Variants in FOXM1 observed in about 807,000 individuals in gnomAD.
FOXM1 encodes forkhead box protein M1.
Under a neutral mutation model 63.6 loss-of-function variants are expected in FOXM1, and 25 were observed. That is an observed-to-expected ratio of 0.39 (90% CI 0.29 to 0.55). The LOEUF (loss-of-function observed/expected upper bound fraction) is 0.55. Ranked by LOEUF, FOXM1 falls within the 20% of genes least tolerant of loss-of-function variation. The probability of loss-of-function intolerance (pLI) is 0.60; values close to 1 mark genes in which losing one functional copy is unlikely to be tolerated. For missense variants in FOXM1, 879 were observed against 958.7 expected, an observed-to-expected ratio of 0.92 and a Z score of 1.10; for synonymous variants, 387 against 376.9, an observed-to-expected ratio of 1.03 and a Z score of -0.31.
rs147362692 is a variant in FOXM1, at chr12:2,864,351, C to T, written c.1235G>A (p.Arg412His). The change falls in exon 8 of 9, where the codon CGC (arginine) becomes CAC (histidine). Residue 412 changes from arginine to histidine, a missense_variant. By Grantham distance (29) the Arg-to-His change is conservative. Around this residue, in one of 4 missense-constraint regions of FOXM1, gnomAD observed 486 missense variants for 453.5 expected, o/e 1.07. Transcript: ENST00000359843. This position sits in a 1 kb window ranked among gnomAD's most constrained non-coding sequence, Gnocchi z 5.1. ...GGCAATGCGGACTCGCTTGCTATGG[C>T]GGGCAAGCTCTGAGCTCATGAGGGA... ...AASLMSSELA[R>H]HSKRVRIAPK... The T allele has an allele frequency of 2.8e-4, 456 of 1,612,644 alleles. No individual in the cohort carries two copies. The highest frequency in any genetic ancestry group is 6.5e-4 in the Admixed American group (39 of 59,930).
At chr12:2,865,795 G>A (rs1028952704) in intron 5 of FOXM1, among the ~76,000 whole-genome samples, 1 of 152,002 alleles carries the variant, frequency 6.6e-6, no homozygotes, top group African/African-American at 2.4e-5. Flanking sequence ...TGGGATTACA[G>A]GCATGCGCCA....
Position 2,873,984 on chromosome 12 carries a change from C to T in FOXM1, c.495G>A (p.Glu165=), listed in dbSNP as rs1402807403. 6.2e-7 allele frequency: 1 copy of T among 1,611,478 alleles called. No homozygotes were observed. Among genetic ancestry groups the T allele is most frequent in the Admixed American group, 1.7e-5 (1 of 59,884 alleles). The change falls in exon 2 of 9, where the codon GAG becomes GAA. Residue 165 remains glutamate (E), a synonymous_variant. Transcript: ENST00000359843. ...PPGALCEQKR[E]TCADGEAAGC... is the part of the protein sequence containing the mutation. ...CCCTGGAAGACCACATACCACAGGT[C>T]TCCCGTTTCTGCTCGCAAAGGGCTC... is the stretch of plus-strand genomic sequence containing the variant.
intron 4 of FOXM1, among the ~76,000 whole-genome samples, chr12:2,866,888 C>T (rs1053274295): frequency 2.0e-5 from 3 of 152,340 alleles, no homozygotes; most frequent in East Asian, 1.9e-4. Flanking sequence ...CGTGGTGGCT[C>T]ACGCCTATAA....
rs779297675 is a variant in FOXM1 at position 2,874,403 on chromosome 12, C to T, written c.76G>A (p.Glu26Lys). ...CTCTTAGGTTCCTCCTCTGATGTTTCACTTGGGGCATTTTGAACAGGAAGG... is the reference window on the plus strand; with the variant it reads ...CTCTTAGGTTCCTCCTCTGATGTTTTACTTGGGGCATTTTGAACAGGAAGG... ...LPLPVQNAPS[E>K]TSEEEPKRSP... The change falls in exon 2 of 9, where the codon GAA becomes AAA. Residue 26 changes from glutamate (E) to lysine (K), a missense_variant. Glu to Lys is a moderately conservative substitution (Grantham distance 56, BLOSUM62 1). Coordinates refer to ENST00000359843, the MANE Select transcript of FOXM1 (RefSeq NM_021953.4). This position sits in a 1 kb window ranked among gnomAD's most constrained non-coding sequence, Gnocchi z 4.3. 3.3e-5 allele frequency: 53 copies of T among 1,613,956 alleles called. No homozygotes were observed. The highest frequency in any genetic ancestry group is 3.4e-5 in the Non-Finnish European group (40 of 1,180,026).
chr12:2,862,962 C>T, intron 8 of FOXM1, among the ~76,000 whole-genome samples: 1 of 152,036 alleles, frequency 6.6e-6, no homozygotes, highest in South Asian at 2.1e-4. Flanking sequence ...ACATGTCAGC[C>T]CGTACTCACA....
chr12:2,859,190 G>A lies in FOXM1; in HGVS notation c.1740C>T (p.Asp580=). ...RWAAELPFPA[D]SSDPASQLSY... ...TGAGCTGGGAGGCAGGGTCAGAGGA[G>A]TCTGCTGGGAACGGGAGCTCTGCGG... The change falls in exon 9 of 9, where the codon GAC becomes GAT. Residue 580 remains aspartate, a synonymous_variant. Coordinates refer to ENST00000359843, the MANE Select transcript of FOXM1 (RefSeq NM_021953.4). The A allele has an allele frequency of 6.2e-7, 1 of 1,610,854 alleles. No homozygotes were observed. Among genetic ancestry groups the A allele is most frequent in the East Asian group, 2.2e-5 (1 of 44,790 alleles).
chr12:2,858,687 AG>A lies in FOXM1; in HGVS notation c.2242del (p.Leu748TrpfsTer55). On this transcript the variant is annotated frameshift_variant, in exon 9 of 9. Coordinates refer to ENST00000359843, the MANE Select transcript of FOXM1 (RefSeq NM_021953.4). LOFTEE classifies it high-confidence loss of function. ...ISFPGLDEDP[L>X]GPDNINWSQF... ...GGACCAGTTGATGTTGTCAGGGCCC[AG>A]TGGGTCCTCGTCCAGGCCAGGAAAG... 6.2e-7 allele frequency: 1 copy of A among 1,614,196 alleles called. No individual in the cohort carries two copies. The highest frequency in any genetic ancestry group is 2.2e-5 in the East Asian group (1 of 44,882).
chr12:2,868,240 C>A, intron 4 of FOXM1: 1 of 193,030 alleles, frequency 5.2e-6, no homozygotes, highest in Non-Finnish European at 1.0e-5. Context: ...TTTTTTTAAT[C>A]AAGACATTTT....
chr12:2,868,069 T>C (rs1372385609), intron 4 of FOXM1, among the ~76,000 whole-genome samples: 1 of 151,852 alleles, frequency 6.6e-6, no homozygotes, highest in Non-Finnish European at 1.5e-5. Flanking sequence ...GAAGACCTCA[T>C]TTGTGGCTCT....
intron 3 of FOXM1, among the ~76,000 whole-genome samples, chr12:2,869,424 C>A (rs2098128978): frequency 6.6e-6 from 1 of 151,842 alleles, no homozygotes; most frequent in Non-Finnish European, 1.5e-5. Context: ...CATACACCAC[C>A]ACGCCCAGCT....
rs1367397849 is a variant in FOXM1 at position 2,864,343 on chromosome 12, T to C, written c.1243A>G (p.Lys415Glu). Residue 415 changes from lysine (K) to glutamate (E), a missense_variant, in exon 8 of 9, where the codon AAG becomes GAG. Lys to Glu is a moderately conservative substitution (Grantham distance 56, BLOSUM62 1). Transcript: ENST00000359843. This position sits in a 1 kb window ranked among gnomAD's most constrained non-coding sequence, Gnocchi z 5.1. ...LMSSELARHSKRVRIAPKVLL... is the reference protein window; with the variant it reads ...LMSSELARHSERVRIAPKVLL... ...ACCTTGGGGGCAATGCGGACTCGCT[T>C]GCTATGGCGGGCAAGCTCTGAGCTC... is the stretch of plus-strand genomic sequence containing the variant. 6.2e-7 allele frequency: 1 copy of C among 1,613,390 alleles called. No homozygotes were observed. Among genetic ancestry groups the C allele is most frequent in the Non-Finnish European group, 8.5e-7 (1 of 1,179,616 alleles).
At chr12:2,862,181 G>GAA (rs962205817) in intron 8 of FOXM1, among the ~76,000 whole-genome samples, 21 of 102,416 alleles carry the variant, frequency 2.1e-4, no homozygotes, top group South Asian at 6.4e-4. Context: ...TCCGTCTCAG[G>GAA]AAAAAAAAAA....
Position 2,872,752 on chromosome 12 carries a change from G to C in FOXM1, c.503-505C>G, listed in dbSNP as rs1396869556. Among the ~76,000 whole-genome samples, 1 of 152,178 alleles carries C rather than the reference G, an allele frequency of 6.6e-6. No homozygotes were observed. The highest frequency in any genetic ancestry group is 2.4e-5 in the African/African-American group (1 of 41,446). ...ATTTCAGGACAAATTTAGGAGCATA[G>C]TTCAAATTGCATTTCAAGCTGAGCC... On this transcript the variant is annotated intron_variant, in intron 2 of 8. Transcript: ENST00000359843. The surrounding 1 kb of genome is among the most constrained non-coding windows in gnomAD (Gnocchi z 4.0).
rs1055158852 is a variant in FOXM1, at chr12:2,872,347, C to G, written c.503-100G>C. 82 of 1,250,834 alleles carry G rather than the reference C, an allele frequency of 6.6e-5. No homozygotes were observed. The African/African-American group carries it at 1.1e-3, about 17-fold the overall frequency. The allele number at this position is 1,250,834 out of a possible 1,614,324, so 77.5% of individuals were successfully genotyped here. A position where few individuals can be genotyped will look rare whatever the true frequency, so the allele number is the denominator to read the frequency against. ...CTAGCAGGCCGGGTGCAGTGGCTCA[C>G]ACCTGTAATCCTAGCACTTTGGGAG... On this transcript the variant is annotated intron_variant, in intron 2 of 8. Transcript: ENST00000359843. This position sits in a 1 kb window ranked among gnomAD's most constrained non-coding sequence, Gnocchi z 4.0.
At chr12:2,860,885 C>T (rs1230984418) in intron 8 of FOXM1, among the ~76,000 whole-genome samples, 6 of 145,690 alleles carry the variant, frequency 4.1e-5, no homozygotes, top group Non-Finnish European at 7.5e-5. Context: ...AAAACTCTCA[C>T]AGGCTGGGCG....
Position 2,859,213 on chromosome 12 carries a change from C to A in FOXM1, c.1717G>T (p.Ala573Ser). The change falls in exon 9 of 9, where the codon GCA becomes TCA. Residue 573 changes from alanine (A) to serine (S), a missense_variant. Around this residue, in one of 4 missense-constraint regions of FOXM1, gnomAD observed 486 missense variants for 453.5 expected, o/e 1.07. Transcript: ENST00000359843. ...GAGTCTGCTGGGAACGGGAGCTCTG[C>A]GGCCCAGCGGGAAGTACTGGGCCCC... The part of the protein sequence containing the change: ...SEGPSTSRWA[A>S]ELPFPADSSD... 6.2e-7 allele frequency: 1 copy of A among 1,612,216 alleles called. No homozygotes were observed. Among genetic ancestry groups the A allele is most frequent in the Non-Finnish European group, 8.5e-7 (1 of 1,179,036 alleles).
chr12:2,871,663 A>AAATG, intron 3 of FOXM1, among the ~76,000 whole-genome samples: 1 of 147,692 alleles, frequency 6.8e-6, no homozygotes, highest in African/African-American at 2.5e-5. Context: ...AAAAAAAAAA[A>AAATG]TATATATACG....
rs767756149 is a variant in FOXM1 at position 2,864,525 on chromosome 12, G to A, written c.1091-30C>T. 1.2e-6 allele frequency: 2 copies of A among 1,603,104 alleles called. No individual in the cohort carries two copies. The highest frequency in any genetic ancestry group is 1.7e-5 in the Admixed American group (1 of 59,610). ...GAGGAAACACGAGAGATCAGGAGCA[G>A]GGGGACTGGAGTACACCCCTTCTCA... On this transcript the variant is annotated intron_variant, in intron 7 of 8. Coordinates refer to ENST00000359843, the MANE Select transcript of FOXM1 (RefSeq NM_021953.4). The surrounding 1 kb of genome is among the most constrained non-coding windows in gnomAD (Gnocchi z 5.1).
rs577789677 is a variant in FOXM1, at chr12:2,872,465, T to C, written c.503-218A>G. Among the ~76,000 whole-genome samples, 139 of 152,152 alleles carry C rather than the reference T, an allele frequency of 9.1e-4. No individual in the cohort carries two copies. Among genetic ancestry groups the C allele is most frequent in the Middle Eastern group, 3.4e-3 (1 of 294 alleles). On this transcript the variant is annotated intron_variant, in intron 2 of 8. Coordinates refer to ENST00000359843, the MANE Select transcript of FOXM1 (RefSeq NM_021953.4). This position sits in a 1 kb window ranked among gnomAD's most constrained non-coding sequence, Gnocchi z 4.0. ...TCTCTACTAAAAATACAAAATTAGC[T>C]GGGTGTGGTGGCACACGCCTGTAGT... is the stretch of plus-strand genomic sequence containing the variant.
Sources: allele counts gnomAD v4.1 joint callset (sites outside exome capture counted in the v4.1 genomes callset), GRCh38; gene constraint gnomAD v4.1.1; regional missense constraint gnomAD v4.1.1; non-coding constraint Gnocchi (gnomAD v3.1); transcripts MANE v1.5; gene names NCBI Gene and HGNC (gene_info 2026-07-23, HGNC 2026-07-21).